SLCO3A1: variants seen among roughly 807,000 people sequenced by gnomAD.
SLCO3A1 encodes the protein solute carrier organic anion transporter family member 3A1, also known as PGE1 transporter.
Under a neutral mutation model 63.1 loss-of-function variants are expected in SLCO3A1, and 27 were observed. That is an observed-to-expected ratio of 0.43 (90% CI 0.32 to 0.59). SLCO3A1 has a LOEUF of 0.59. Ranked by LOEUF, SLCO3A1 falls within the 20% of genes least tolerant of loss-of-function variation. The pLI, the probability that SLCO3A1 is intolerant of heterozygous loss-of-function variation, is 0.09. For synonymous variants in SLCO3A1, 473 were observed against 409.9 expected, an observed-to-expected ratio of 1.15 and a Z score of -1.86; for missense variants, 773 against 945.8, an observed-to-expected ratio of 0.82 and a Z score of 2.40.
In SLCO3A1 at chr15:91,912,403, CGTACTA is replaced by C. The variant is rs1411366031; in HGVS notation, c.181-3589_181-3584del. ...GGCCACAGGTCAAGGAGGGAAAGAC[CGTACTA>C]CTTCCTGTCACCCCTGTGCGTTGCT... is the stretch of plus-strand genomic sequence containing the variant. On this transcript the variant is annotated intron_variant, in intron 1 of 9. Transcript: ENST00000318445. This position sits in a 1 kb window ranked among gnomAD's most constrained non-coding sequence, Gnocchi z 5.0. Among the ~76,000 whole-genome samples the C allele has an allele frequency of 2.6e-5, 4 of 152,190 alleles. No individual in the cohort carries two copies. The highest frequency in any genetic ancestry group is 9.6e-5 in the African/African-American group (4 of 41,456).
At chr15:91,888,938 G>T (rs1316394866) in intron 1 of SLCO3A1, among the ~76,000 whole-genome samples, 1 of 151,034 alleles carries the variant, frequency 6.6e-6, no homozygotes, top group Non-Finnish European at 1.5e-5. Context: ...GAGCCCAGGA[G>T]CATAAGGTTT....
chr15:91,939,310 G>A (rs1899532027), intron 2 of SLCO3A1, among the ~76,000 whole-genome samples: 1 of 152,110 alleles, frequency 6.6e-6, no homozygotes, highest in Non-Finnish European at 1.5e-5. Context: ...GCACCAAGAG[G>A]ATGGTGCTGA....
chr15:91,870,531 C>A (rs1897258967), intron 1 of SLCO3A1, among the ~76,000 whole-genome samples: 1 of 152,142 alleles, frequency 6.6e-6, no homozygotes, highest in South Asian at 2.1e-4. Flanking sequence ...GTTTTTGGAA[C>A]TGGATGTGTA....
At chr15:91,919,466 A>T (rs1898770579) in intron 2 of SLCO3A1, among the ~76,000 whole-genome samples, 1 of 152,210 alleles carries the variant, frequency 6.6e-6, no homozygotes, top group South Asian at 2.1e-4. Context: ...ACCCGGACTC[A>T]CAGTGCAGCC....
intron 2 of SLCO3A1, among the ~76,000 whole-genome samples, chr15:92,082,174 G>A (rs2047354820): frequency 6.6e-6 from 1 of 152,210 alleles, no homozygotes; most frequent in Non-Finnish European, 1.5e-5. Flanking sequence ...CAGGCTGTTG[G>A]CAGCAGGCAC....
chr15:92,009,461 C>T (rs1474803750), intron 2 of SLCO3A1, among the ~76,000 whole-genome samples: 2 of 152,152 alleles, frequency 1.3e-5, no homozygotes, highest in East Asian at 1.9e-4. Flanking sequence ...AAAGCCAACT[C>T]GAGAATGTCT....
At chr15:91,909,810 AGCTGCT>A (rs1270252545) in intron 1 of SLCO3A1, among the ~76,000 whole-genome samples, 4 of 152,106 alleles carry the variant, frequency 2.6e-5, no homozygotes, top group Non-Finnish European at 5.9e-5. Flanking sequence ...GCCTCCAATC[AGCTGCT>A]GCCTCTGTTG....
Position 92,046,667 on chromosome 15 carries a change from G to C in SLCO3A1, c.647-48214G>C, listed in dbSNP as rs915424367. Among the ~76,000 whole-genome samples the C allele has an allele frequency of 1.8e-4, 28 of 152,188 alleles. No homozygotes were observed. In the East Asian group the frequency reaches 4.8e-3, roughly 26 times the overall value. Reference sequence around the variant, plus strand: ...TTTTGGTAGCCCCTGTACTGCATCAGTGTTGAAGAATCAACTGTGAAGCCC... The same window carrying C: ...TTTTGGTAGCCCCTGTACTGCATCACTGTTGAAGAATCAACTGTGAAGCCC... On this transcript the variant is annotated intron_variant, in intron 2 of 9. Transcript: ENST00000318445.
intron 2 of SLCO3A1, among the ~76,000 whole-genome samples, chr15:92,068,929 T>A (rs1340147675): frequency 6.6e-6 from 1 of 152,156 alleles, no homozygotes; most frequent in African/African-American, 2.4e-5. Flanking sequence ...GTCACACAAC[T>A]CCTTCACACG....
intron 2 of SLCO3A1, among the ~76,000 whole-genome samples, chr15:91,933,115 G>A (rs1032327981): frequency 1.3e-5 from 2 of 151,156 alleles, no homozygotes; most frequent in Non-Finnish European, 3.0e-5. Context: ...TTTTTTTTTC[G>A]GTTATTTTTC....
In SLCO3A1 at chr15:91,965,647, G is replaced by C. The variant is rs534968208; in HGVS notation, c.646+49189G>C. ...GTTGGCAGGGCTTGCCTACCAGGAG[G>C]GTTTTGTTGAGAGGCACCAAGTCCA... On this transcript the variant is annotated intron_variant, in intron 2 of 9. Transcript: ENST00000318445. 9.2e-5 allele frequency among the ~76,000 whole-genome samples: 14 copies of C among 152,112 alleles called. No homozygotes were observed. In the East Asian group the frequency reaches 2.1e-3, roughly 23 times the overall value.
At chr15:92,034,570 T>C (rs1255085251) in intron 2 of SLCO3A1, among the ~76,000 whole-genome samples, 1 of 151,624 alleles carries the variant, frequency 6.6e-6, no homozygotes, top group Non-Finnish European at 1.5e-5. Flanking sequence ...GAGGAAGACC[T>C]GGCCCAGAGA....
chr15:92,104,480 A>C lies in SLCO3A1; in HGVS notation c.947A>C (p.Asn316Thr). The C allele has an allele frequency of 6.2e-7, 1 of 1,614,156 alleles. No individual in the cohort carries two copies. The highest frequency in any genetic ancestry group is 8.5e-7 in the Non-Finnish European group (1 of 1,180,046). ...GAATACGAGAGACCCAAGCCCAGCA[A>C]CGGGGTCCTGAGGCACCCCCTGGAG... ...EREYERPKPS[N>T]GVLRHPLEPD... The change falls in exon 4 of 10, where the codon AAC becomes ACC. Residue 316 changes from asparagine (N) to threonine (T), a missense_variant. Asn to Thr is a moderately conservative substitution (Grantham distance 65, BLOSUM62 0). Around this residue, in one of 3 missense-constraint regions of SLCO3A1, gnomAD observed 565 missense variants for 749.8 expected, o/e 0.75. Coordinates refer to ENST00000318445, the MANE Select transcript of SLCO3A1 (RefSeq NM_013272.4).
chr15:91,994,246 A>T (rs72755630), intron 2 of SLCO3A1, among the ~76,000 whole-genome samples: 1 of 152,164 alleles, frequency 6.6e-6, no homozygotes, highest in Non-Finnish European at 1.5e-5. Flanking sequence ...CAACTCTTCA[A>T]AGTAGGTACT....
At chr15:91,920,869 C>T (rs988682667) in intron 2 of SLCO3A1, among the ~76,000 whole-genome samples, 3 of 152,182 alleles carry the variant, frequency 2.0e-5, no homozygotes, top group African/African-American at 7.2e-5. Flanking sequence ...CGGATGGTAT[C>T]TAAAGCTTAG....
chr15:91,980,312 G>T (rs1469139300), intron 2 of SLCO3A1, among the ~76,000 whole-genome samples: 1 of 151,848 alleles, frequency 6.6e-6, no homozygotes, highest in Non-Finnish European at 1.5e-5. Context: ...GGGTGTAGAG[G>T]TAACACAGGA....
At chr15:92,152,698 AC>A (rs2048323074) in intron 9 of SLCO3A1, among the ~76,000 whole-genome samples, 1 of 152,162 alleles carries the variant, frequency 6.6e-6, no homozygotes, top group South Asian at 2.1e-4. Context: ...TGGCACATTG[AC>A]ACCCTAATTT....
Position 91,894,204 on chromosome 15 carries a change from G to A in SLCO3A1, c.181-21789G>A, listed in dbSNP as rs1897945689. ...GTGTGGTTTGAATGGTAAACATATG[G>A]GATGGTGGTAGGAAATGAGGTTGGA... On this transcript the variant is annotated intron_variant, in intron 1 of 9. Coordinates refer to ENST00000318445, the MANE Select transcript of SLCO3A1 (RefSeq NM_013272.4). The surrounding 1 kb of genome is among the most constrained non-coding windows in gnomAD (Gnocchi z 4.8). Among the ~76,000 whole-genome samples the A allele has an allele frequency of 6.6e-6, 1 of 152,048 alleles. No homozygotes were observed. Among genetic ancestry groups the A allele is most frequent in the Admixed American group, 6.6e-5 (1 of 15,264 alleles).
rs79673928 is a variant in SLCO3A1 at position 92,003,276 on chromosome 15, G to A, written c.646+86818G>A. Among the ~76,000 whole-genome samples, 193 of 152,316 alleles carry A rather than the reference G, an allele frequency of 1.3e-3. 1 individual carries two copies. Among genetic ancestry groups the A allele is most frequent in the Non-Finnish European group, 1.6e-3 (111 of 68,028 alleles). On this transcript the variant is annotated intron_variant, in intron 2 of 9. Transcript: ENST00000318445. ...TCGAGTGCACTTATGCGTGGTAGGA[G>A]GTAGTTAATTGATGGTTGAACACTG...
Sources: gnomAD v4.1 joint callset for allele counts (sites outside exome capture counted in the v4.1 genomes callset) on GRCh38, gnomAD v4.1.1 for gene constraint, gnomAD v4.1.1 regional missense constraint, Gnocchi (gnomAD v3.1) non-coding constraint, MANE v1.5 for transcripts, NCBI Gene and HGNC (gene_info 2026-07-23, HGNC 2026-07-21) for gene names.